XRCC6: variants seen among roughly 807,000 people sequenced by gnomAD.
XRCC6 encodes the protein DNA repair protein Ku70.
A neutral mutation model predicts 65.7 loss-of-function variants in XRCC6; 5 were observed. The observed-to-expected ratio is 0.08, with a 90% CI of 0.04 to 0.16. The LOEUF (loss-of-function observed/expected upper bound fraction) is 0.16. XRCC6 is among the 10% of genes least tolerant of loss of function. XRCC6 has a pLI of 1.00. For synonymous variants in XRCC6, 270 were observed against 270.6 expected, an observed-to-expected ratio of 1.00 and a Z score of 0.02; for missense variants, 447 against 738.1, an observed-to-expected ratio of 0.61 and a Z score of 4.57.
chr22:41,633,685 G>A (rs972324558), intron 3 of XRCC6, among the ~76,000 whole-genome samples: 2 of 151,938 alleles, frequency 1.3e-5, no homozygotes, highest in Non-Finnish European at 2.9e-5. Flanking sequence ...CTGGCCAACC[G>A]TGGACCTCTT....
At position 41,658,238 on chromosome 22, in the gene XRCC6, T is replaced by G; in HGVS notation, c.1422-14T>G. On this transcript the variant is annotated splice_polypyrimidine_tract_variant and intron_variant, in intron 10 of 12. Transcript: ENST00000360079. The stretch of plus-strand genomic sequence containing the variant: ...TTGTCATGTTTCAGTTGAGTTACAT[T>G]ATTGTTTTAACAGAAGTGACAGCTT... 6.4e-7 allele frequency: 1 copy of G among 1,568,530 alleles called. No homozygotes were observed. The highest frequency in any genetic ancestry group is 8.7e-7 in the Non-Finnish European group (1 of 1,143,182).
At chr22:41,643,545 G>T (rs1371760568) in intron 6 of XRCC6, among the ~76,000 whole-genome samples, 1 of 152,116 alleles carries the variant, frequency 6.6e-6, no homozygotes, top group Non-Finnish European at 1.5e-5. Flanking sequence ...TTCTGGCCGG[G>T]CGCGCTGGCT....
chr22:41,655,560 GGT>G (rs1282552849), intron 9 of XRCC6, among the ~76,000 whole-genome samples: 2 of 151,984 alleles, frequency 1.3e-5, no homozygotes, highest in African/African-American at 4.8e-5. Context: ...AAATTAGCCA[GGT>G]GTGGTGGCAG....
At chr22:41,643,573 C>T (rs2067900793) in intron 6 of XRCC6, among the ~76,000 whole-genome samples, 1 of 152,168 alleles carries the variant, frequency 6.6e-6, no homozygotes, top group Admixed American at 6.5e-5. Flanking sequence ...GTAATCCCAG[C>T]ACTTTGGGAG....
chr22:41,646,201 G>A (rs2067930415), intron 6 of XRCC6, among the ~76,000 whole-genome samples: 1 of 152,006 alleles, frequency 6.6e-6, no homozygotes, highest in South Asian at 2.1e-4. Context: ...CACTTGGGAA[G>A]CTGAGGCAGG....
At position 41,636,535 on chromosome 22, in the gene XRCC6, G is replaced by T; in HGVS notation, c.354G>T (p.Glu118Asp). The change falls in exon 5 of 13, where the codon GAG becomes GAT. Residue 118 changes from glutamate (E) to aspartate (D), a missense_variant. By Grantham distance (45) the Glu-to-Asp change is conservative. This residue lies in a region of XRCC6 where 228 missense variants were observed against 307.4 expected (regional missense o/e 0.74). Transcript: ENST00000360079. ...GATCAGGTGCAAAACGAATTCTAGA[G>T]CTTGACCAGTTTAAGGGGCAGCAGG... ...LDNPGAKRIL[E>D]LDQFKGQQGQ... The T allele has an allele frequency of 6.2e-7, 1 of 1,613,952 alleles. No individual in the cohort carries two copies. The highest frequency in any genetic ancestry group is 8.5e-7 in the Non-Finnish European group (1 of 1,179,876).
rs142067820 is a variant in XRCC6, at chr22:41,661,096, G to T, written c.1523-235G>T. 3.4e-4 allele frequency among the ~76,000 whole-genome samples: 51 copies of T among 152,170 alleles called. No homozygotes were observed. The East Asian group carries it at 9.6e-3, about 29-fold the overall frequency. On this transcript the variant is annotated intron_variant, in intron 11 of 12. Coordinates refer to ENST00000360079, the MANE Select transcript of XRCC6 (RefSeq NM_001469.5). ...TACCTATCCTATAGGTTGTTAGAAG[G>T]AGTAAATAGAGTAAGTTTAAAGCAT...
At position 41,644,414 on chromosome 22, in the gene XRCC6, C is replaced by CT. The variant is rs140231526; in HGVS notation, c.774-2475dup. ...TGTGTATCATGGGTTATTTTACGTTCTTTTTTTCCCCCATAATATAAGAAT... is the reference window on the plus strand; with the variant it reads ...TGTGTATCATGGGTTATTTTACGTTCTTTTTTTTCCCCCATAATATAAGAAT... On this transcript the variant is annotated intron_variant, in intron 6 of 12. Coordinates refer to ENST00000360079, the MANE Select transcript of XRCC6 (RefSeq NM_001469.5). Among the ~76,000 whole-genome samples the CT allele has an allele frequency of 3.3e-5, 5 of 151,388 alleles. No homozygotes were observed. The South Asian group carries it at 8.3e-4, about 25-fold the overall frequency.
At chr22:41,642,841 ATGGT>A (rs1424096720) in intron 6 of XRCC6, among the ~76,000 whole-genome samples, 2 of 152,182 alleles carry the variant, frequency 1.3e-5, no homozygotes, top group Non-Finnish European at 2.9e-5. Context: ...AAGCCACCAA[ATGGT>A]TGATGTTGTT....
chr22:41,629,584 T>C (rs1417607448), intron 3 of XRCC6, among the ~76,000 whole-genome samples: 1 of 152,196 alleles, frequency 6.6e-6, no homozygotes, highest in Non-Finnish European at 1.5e-5. Flanking sequence ...TGGGGTTTGC[T>C]TTTGGGGTGA....
intron 2 of XRCC6, among the ~76,000 whole-genome samples, chr22:41,627,572 CTG>C (rs2067692038): frequency 7.4e-6 from 1 of 135,662 alleles, no homozygotes; most frequent in Non-Finnish European, 1.5e-5. Flanking sequence ...GATTGTGCCA[CTG>C]TACTCCACCC....
intron 3 of XRCC6, among the ~76,000 whole-genome samples, chr22:41,629,216 G>A (rs1216928515): frequency 6.6e-6 from 1 of 152,080 alleles, no homozygotes; most frequent in Admixed American, 6.6e-5. Context: ...TTAAATTGAG[G>A]TTGTGTTTCA....
intron 2 of XRCC6, among the ~76,000 whole-genome samples, chr22:41,626,649 T>G (rs2067678260): frequency 6.7e-6 from 1 of 148,766 alleles, no homozygotes; most frequent in African/African-American, 2.5e-5. Flanking sequence ...TTTTGTTTTT[T>G]TTTTTTGAGA....
At chr22:41,623,977 C>T (rs190327226) in intron 2 of XRCC6, among the ~76,000 whole-genome samples, 6 of 152,260 alleles carry the variant, frequency 3.9e-5, no homozygotes, top group African/African-American at 1.4e-4. Context: ...CCCACCTCGG[C>T]CTCCCAAAGT....
intron 6 of XRCC6, among the ~76,000 whole-genome samples, chr22:41,641,069 T>A (rs1279914089): frequency 1.3e-5 from 2 of 152,132 alleles, no homozygotes; most frequent in African/African-American, 4.8e-5. Context: ...AGGGAGACCC[T>A]GTCTCTCTTT....
intron 9 of XRCC6, 37 bp downstream of exon 9, chr22:41,653,727 T>C (rs1271460644): frequency 2.5e-6 from 4 of 1,601,362 alleles, no homozygotes; most frequent in African/African-American, 1.3e-5. Flanking sequence ...TTCTGAACCT[T>C]GCCCATACTT....
chr22:41,648,289 C>T (rs2067956827), intron 7 of XRCC6: 2 of 151,976 alleles, frequency 1.3e-5, no homozygotes, highest in South Asian at 2.1e-4. Context: ...GAAAGTTAAA[C>T]TGGGCCAGTG....
At chr22:41,654,612 A>G (rs1257984157) in intron 9 of XRCC6, among the ~76,000 whole-genome samples, 2 of 152,228 alleles carry the variant, frequency 1.3e-5, no homozygotes, top group Admixed American at 6.5e-5. Flanking sequence ...TAGTCCTTCC[A>G]GAACCAGCCA....
intron 2 of XRCC6, 34 bp from the exon 3 acceptor site, chr22:41,628,084 G>C (rs748078718): frequency 9.6e-6 from 14 of 1,461,916 alleles, no homozygotes; most frequent in Admixed American, 3.7e-5. Context: ...ACGAAAACAA[G>C]GACAAACATT....
Sources: allele counts gnomAD v4.1 joint callset (sites outside exome capture counted in the v4.1 genomes callset), GRCh38; gene constraint gnomAD v4.1.1; regional missense constraint gnomAD v4.1.1; transcripts MANE v1.5; gene names NCBI Gene and HGNC (gene_info 2026-07-23, HGNC 2026-07-21).